CCDC60: variants seen among roughly 807,000 people sequenced by gnomAD.
CCDC60 encodes coiled-coil domain containing 60.
In CCDC60, 54 loss-of-function variants were observed where a neutral mutation model predicts 63.5. That is an observed-to-expected ratio of 0.85 (90% CI 0.68 to 1.07). The LOEUF is 1.07. Among genes scored for constraint, CCDC60 ranks in the 50% least tolerant of loss-of-function variants. CCDC60 has a pLI of 0.00. For missense variants in CCDC60, 651 were observed against 684.3 expected (o/e 0.95, Z 0.54); for synonymous variants, 206 against 238.8 (o/e 0.86, Z 1.27).
chr12:119,367,196 C>T (rs1955849768), intron 1 of CCDC60, among the ~76,000 whole-genome samples: 1 of 152,204 alleles, frequency 6.6e-6, no homozygotes, highest in African/African-American at 2.4e-5. Flanking sequence ...CACAGATTAA[C>T]TCAGCCTTCA....
At position 119,531,060 on chromosome 12, in the gene CCDC60, T is replaced by G; in HGVS notation, c.1548T>G (p.Ile516Met). 1 of 1,613,476 alleles carries G rather than the reference T, an allele frequency of 6.2e-7. No homozygotes were observed. Among genetic ancestry groups the G allele is most frequent in the African/African-American group, 1.3e-5 (1 of 75,026 alleles). ...ELCSPDIAVA[I>M]EFVREHIIHM... The stretch of plus-strand genomic sequence containing the variant: ...GCTCCCCTGACATCGCTGTGGCTAT[T>G]GAGGTAAACACCACCTCCTTCCCCT... The change falls in exon 13 of 14, where the codon ATT becomes ATG. Residue 516 changes from isoleucine (I) to methionine (M), a missense_variant. Coordinates refer to ENST00000327554, the MANE Select transcript of CCDC60 (RefSeq NM_178499.5).
chr12:119,436,634 G>A (rs1213670186), intron 2 of CCDC60, among the ~76,000 whole-genome samples: 3 of 151,312 alleles, frequency 2.0e-5, no homozygotes, highest in African/African-American at 4.9e-5. Flanking sequence ...CGCCTCCCGG[G>A]TTCAAGCGAT....
At chr12:119,467,405 T>G (rs1345278605) in intron 2 of CCDC60, among the ~76,000 whole-genome samples, 5 of 152,212 alleles carry the variant, frequency 3.3e-5, no homozygotes, top group Non-Finnish European at 7.4e-5. Context: ...CAATATGATA[T>G]TAGGAGTTGA....
chr12:119,459,251 C>T (rs1179089206), intron 2 of CCDC60, among the ~76,000 whole-genome samples: 1 of 152,120 alleles, frequency 6.6e-6, no homozygotes, highest in Non-Finnish European at 1.5e-5. Context: ...ATGAATTACC[C>T]GAGGATCCTG....
At chr12:119,396,455 A>G (rs1326947746) in intron 1 of CCDC60, among the ~76,000 whole-genome samples, 2 of 152,176 alleles carry the variant, frequency 1.3e-5, no homozygotes, top group Admixed American at 1.3e-4. Context: ...CCATCCCAAA[A>G]GAGGAGGAAT....
At chr12:119,421,491 A>G (rs1378615596) in intron 1 of CCDC60, among the ~76,000 whole-genome samples, 1 of 152,192 alleles carries the variant, frequency 6.6e-6, no homozygotes, top group Admixed American at 6.5e-5. Flanking sequence ...TTGCCACTTA[A>G]TAGCAAGTCA....
At chr12:119,524,707 T>C (rs1040735257) in intron 11 of CCDC60, among the ~76,000 whole-genome samples, 1 of 135,138 alleles carries the variant, frequency 7.4e-6, no homozygotes, top group African/African-American at 3.0e-5. Flanking sequence ...CAGCAGTTTC[T>C]TTTCTTTTCT....
chr12:119,520,277 C>G, intron 9 of CCDC60, 85 bp downstream of exon 9: 3 of 1,140,396 alleles, frequency 2.6e-6, no homozygotes, highest in Non-Finnish European at 3.8e-6. Flanking sequence ...CCTCCCCAGA[C>G]CATGGAAAGT....
intron 1 of CCDC60, among the ~76,000 whole-genome samples, chr12:119,339,798 A>G (rs1955513380): frequency 6.6e-6 from 1 of 152,164 alleles, no homozygotes; most frequent in Non-Finnish European, 1.5e-5. Context: ...ACAGAGCGAG[A>G]TCCTGTCTCA....
At chr12:119,364,965 G>A (rs1459227365) in intron 1 of CCDC60, among the ~76,000 whole-genome samples, 1 of 152,122 alleles carries the variant, frequency 6.6e-6, no homozygotes. Flanking sequence ...AGAAAACTCA[G>A]TGGACATGGA....
intron 1 of CCDC60, among the ~76,000 whole-genome samples, chr12:119,356,028 A>G (rs1218943105): frequency 1.3e-5 from 2 of 152,232 alleles, no homozygotes; most frequent in Admixed American, 1.3e-4. Context: ...GTTAAGCCCC[A>G]TGGAAAAAAA....
At chr12:119,433,352 G>C in intron 2 of CCDC60, 1 of 698,664 alleles carries the variant, frequency 1.4e-6, no homozygotes, top group Non-Finnish European at 2.6e-6. Context: ...AAATGTTAAA[G>C]CTGAGATTTA....
intron 1 of CCDC60, among the ~76,000 whole-genome samples, chr12:119,360,554 C>A (rs555347783): frequency 6.7e-6 from 1 of 150,090 alleles, no homozygotes; most frequent in Non-Finnish European, 1.5e-5. Context: ...CGGGCGGAGA[C>A]GCTCCTCACC....
chr12:119,424,050 A>G (rs1315400943), intron 1 of CCDC60, among the ~76,000 whole-genome samples: 1 of 152,206 alleles, frequency 6.6e-6, no homozygotes, highest in East Asian at 1.9e-4. Context: ...CAAAACAAAA[A>G]ATTATCGTTT....
chr12:119,411,543 AAT>A (rs1440783889), intron 1 of CCDC60, among the ~76,000 whole-genome samples: 1 of 152,140 alleles, frequency 6.6e-6, no homozygotes, highest in Non-Finnish European at 1.5e-5. Context: ...TTCTCTCATT[AAT>A]ATGTCTTTTG....
At chr12:119,471,490 A>G (rs1005970148) in intron 2 of CCDC60, among the ~76,000 whole-genome samples, 3 of 152,190 alleles carry the variant, frequency 2.0e-5, no homozygotes, top group African/African-American at 7.2e-5. Context: ...CAGGCTGTGA[A>G]TTGTTATGTT....
Position 119,417,225 on chromosome 12 carries a change from GTCTGGAGACATTT to G in CCDC60, c.91-11456_91-11444del, listed in dbSNP as rs530883562. ...TGCTTCCCAGAGGACACTTGGCAAT[GTCTGGAGACATTT>G]TTATTGTTGTAACTTGCAGGAGAGA... On this transcript the variant is annotated intron_variant, in intron 1 of 13. Transcript: ENST00000327554. Among the ~76,000 whole-genome samples, 16 of 151,708 alleles carry G rather than the reference GTCTGGAGACATTT, an allele frequency of 1.1e-4. No homozygotes were observed. The East Asian group carries it at 2.3e-3, about 22-fold the overall frequency.
chr12:119,519,714 T>A (rs1439841720), intron 8 of CCDC60, among the ~76,000 whole-genome samples: 1 of 152,058 alleles, frequency 6.6e-6, no homozygotes, highest in Non-Finnish European at 1.5e-5. Context: ...CCGCTTGCCT[T>A]GCCCTCCCAA....
chr12:119,363,309 G>A (rs531720213), intron 1 of CCDC60, among the ~76,000 whole-genome samples: 55 of 152,130 alleles, frequency 3.6e-4, no homozygotes, highest in African/African-American at 1.2e-3. Flanking sequence ...ATGTTGTTAC[G>A]GATCATTTGG....
Sources: allele counts gnomAD v4.1 joint callset (sites outside exome capture counted in the v4.1 genomes callset), GRCh38; gene constraint gnomAD v4.1.1; transcripts MANE v1.5; gene names NCBI Gene and HGNC (gene_info 2026-07-23, HGNC 2026-07-21).